GDF1: variants seen among roughly 807,000 people sequenced by gnomAD.
GDF1 encodes embryonic growth/differentiation factor 1.
In GDF1, 8 loss-of-function variants were observed where a neutral mutation model predicts 7.4. The observed-to-expected ratio is 1.09, with a 90% confidence interval of 0.64 to 1.96. The LOEUF is 1.96. Ranked by LOEUF, GDF1 falls within the 30% of genes most tolerant of loss-of-function variation. GDF1 has a pLI of 0.00. For synonymous variants in GDF1, 311 were observed against 276.7 expected, an observed-to-expected ratio of 1.12 and a Z score of -1.23; for missense variants, 574 against 551.5, an observed-to-expected ratio of 1.04 and a Z score of -0.41.
intron 2 of GDF1, among the ~76,000 whole-genome samples, chr19:18,886,120 C>T (rs1213901002): frequency 1.3e-5 from 2 of 150,510 alleles, no homozygotes; most frequent in East Asian, 3.9e-4. Flanking sequence ...AAGGGCTATG[C>T]TCTGGACGGG....
chr19:18,879,413 C>T (rs368841780), intron 4 of GDF1, 25 bp from the exon 5 acceptor site: 124 of 1,551,764 alleles, frequency 8.0e-5, no homozygotes, highest in African/African-American at 1.5e-4. Context: ...GTCAGGAGGC[C>T]GTGGGTGGAG....
chr19:18,874,502 G>A (rs2056027855), intron 6 of GDF1, among the ~76,000 whole-genome samples: 1 of 152,196 alleles, frequency 6.6e-6, no homozygotes, highest in Admixed American at 6.5e-5. Flanking sequence ...GGCAGTGGCA[G>A]GTGCAGCAGA....
Position 18,879,274 on chromosome 19 carries a change from C to G in GDF1, c.-456G>C, listed in dbSNP as rs1161578659. On this transcript the variant is annotated 5_prime_UTR_variant, in exon 5 of 8. Coordinates refer to ENST00000247005, the MANE Select transcript of GDF1 (RefSeq NM_001492.6). ...AGTAGAGGTTCATAAGGGTGAGCAG[C>G]AGCAGGAGCGCATTGAAGAAGAAGT... The G allele has an allele frequency of 6.2e-7, 1 of 1,613,440 alleles. No individual in the cohort carries two copies. The highest frequency in any genetic ancestry group is 1.3e-5 in the African/African-American group (1 of 74,890).
intron 2 of GDF1, among the ~76,000 whole-genome samples, chr19:18,885,804 C>A (rs1314673034): frequency 6.6e-6 from 1 of 152,074 alleles, no homozygotes; most frequent in East Asian, 1.9e-4. Flanking sequence ...CGGGCGTGAG[C>A]CGCTGCGCCC....
intron 2 of GDF1, among the ~76,000 whole-genome samples, chr19:18,885,217 T>A (rs1475260281): frequency 6.6e-6 from 1 of 152,120 alleles, no homozygotes; most frequent in Non-Finnish European, 1.5e-5. Context: ...TTATATATAG[T>A]TTTAGAGTTG....
intron 2 of GDF1, among the ~76,000 whole-genome samples, chr19:18,887,000 C>G (rs991341510): frequency 1.1e-4 from 16 of 152,222 alleles, no homozygotes; most frequent in Non-Finnish European, 2.2e-4. Context: ...CATGACCCAG[C>G]AAGTCCACTA....
chr19:18,868,798 C>A lies in GDF1; in HGVS notation c.918G>T (p.Leu306=), dbSNP rs1249368692. Residue 306 remains leucine, a synonymous_variant, in exon 8 of 8, where the codon CTG becomes CTT. Transcript: ENST00000247005. ...CQGQCALPVA[L]SGSGGPPALN... is the part of the protein sequence containing the mutation. ...GCGCCGGCGGCCCCCCGGACCCCGA[C>A]AGCGCGACGGGCAGCGCGCACTGAC... 6.9e-7 allele frequency: 1 copy of A among 1,457,362 alleles called. No individual in the cohort carries two copies. Among genetic ancestry groups the A allele is most frequent in the South Asian group, 1.2e-5 (1 of 80,368 alleles). The allele number at this position is 1,457,362 out of a possible 1,614,324, so 90.3% of individuals were successfully genotyped here.
chr19:18,872,354 T>A (rs911334977), intron 6 of GDF1, among the ~76,000 whole-genome samples: 6 of 152,176 alleles, frequency 3.9e-5, no homozygotes, highest in Non-Finnish European at 8.8e-5. Context: ...TTTTCTTGTT[T>A]TGTTTTTTTT....
At chr19:18,887,155 G>A (rs2056382289) in intron 2 of GDF1, among the ~76,000 whole-genome samples, 3 of 152,224 alleles carry the variant, frequency 2.0e-5, no homozygotes, top group South Asian at 4.1e-4. Flanking sequence ...TCCACACAGT[G>A]GAATACTATG....
chr19:18,874,341 T>C (rs1275881711), intron 6 of GDF1, among the ~76,000 whole-genome samples: 2 of 152,206 alleles, frequency 1.3e-5, no homozygotes, highest in African/African-American at 4.8e-5. Flanking sequence ...TCTTGCTCTG[T>C]TACCGCAGCT....
At position 18,895,223 on chromosome 19, in the gene GDF1, C is replaced by T. The variant is rs2056595832; in HGVS notation, c.-1074+601G>A. On this transcript the variant is annotated intron_variant, in intron 1 of 7. Transcript: ENST00000247005. This position sits in a 1 kb window ranked among gnomAD's most constrained non-coding sequence, Gnocchi z 6.4. ...CTGACCCCAGATAGGCACAAGGCAGCGACCGGGCAGCTCCTGCCTCTTCCC... is the reference window on the plus strand; with the variant it reads ...CTGACCCCAGATAGGCACAAGGCAGTGACCGGGCAGCTCCTGCCTCTTCCC... Among the ~76,000 whole-genome samples the T allele has an allele frequency of 6.6e-6, 1 of 152,244 alleles. No homozygotes were observed.
chr19:18,870,404 T>C lies in GDF1; in HGVS notation c.-97A>G, dbSNP rs1482088606. The C allele has an allele frequency of 7.6e-7, 1 of 1,314,302 alleles. No homozygotes were observed. 81.4% of individuals were successfully genotyped at this position (1,314,302 alleles called of 1,614,324 possible). ...GCCGGTGTCCCCGGAGGGGCAGGGG[T>C]CCTGGGGGGCGTGGCCGGGAACTGG... On this transcript the variant is annotated 5_prime_UTR_variant, in exon 7 of 8. Coordinates refer to ENST00000247005, the MANE Select transcript of GDF1 (RefSeq NM_001492.6). The surrounding 1 kb of genome is among the most constrained non-coding windows in gnomAD (Gnocchi z 5.1).
chr19:18,890,624 CAAAA>C (rs1157774081), intron 2 of GDF1, among the ~76,000 whole-genome samples: 1 of 147,416 alleles, frequency 6.8e-6, no homozygotes, highest in African/African-American at 2.5e-5. Flanking sequence ...CCAAAAAACA[CAAAA>C]AAATTCGCTG....
intron 6 of GDF1, among the ~76,000 whole-genome samples, chr19:18,871,465 G>A (rs1330132525): frequency 1.3e-5 from 2 of 151,834 alleles, no homozygotes; most frequent in South Asian, 2.1e-4. Context: ...CAGGTGATCC[G>A]CCCACCTTGG....
At position 18,878,501 on chromosome 19, in the gene GDF1, G is replaced by A. The variant is rs1384310946; in HGVS notation, c.-313+429C>T. The A allele has an allele frequency of 2.0e-6, 2 of 1,001,424 alleles. No homozygotes were observed. The highest frequency in any genetic ancestry group is 4.2e-5 in the South Asian group (1 of 23,606). 62.0% of individuals were successfully genotyped at this position (1,001,424 alleles called of 1,614,324 possible). ...ATGTCTCGGCCCAGATGGAGCCTGG[G>A]TTCTCTCTGTGGCCCTTGGCGTTCC... On this transcript the variant is annotated intron_variant, in intron 6 of 7. Coordinates refer to ENST00000247005, the MANE Select transcript of GDF1 (RefSeq NM_001492.6). The surrounding 1 kb of genome is among the most constrained non-coding windows in gnomAD (Gnocchi z 4.6).
Position 18,869,379 on chromosome 19 carries a change from G to C in GDF1, c.337C>G (p.Arg113Gly). 6.5e-7 allele frequency: 1 copy of C among 1,529,072 alleles called. No individual in the cohort carries two copies. Among genetic ancestry groups the C allele is most frequent in the African/African-American group, 1.4e-5 (1 of 72,386 alleles). 94.7% of individuals were successfully genotyped at this position (1,529,072 alleles called of 1,614,324 possible). The change falls in exon 8 of 8, where the codon CGG becomes GGG. Residue 113 changes from arginine to glycine, a missense_variant. Coordinates refer to ENST00000247005, the MANE Select transcript of GDF1 (RefSeq NM_001492.6). The part of the protein sequence containing the change: ...RHIPDRGAPT[R>G]ASEPASAAGH... ...GCGGCCGAGGCAGGCTCCGAGGCCC[G>C]GGTGGGCGCACCTGGGGAGGTAGGA...
intron 2 of GDF1, among the ~76,000 whole-genome samples, chr19:18,892,593 G>A (rs559352711): frequency 2.0e-5 from 3 of 152,044 alleles, no homozygotes; most frequent in South Asian, 4.2e-4. Flanking sequence ...TAGCCTGGGC[G>A]ACAGAGCGAG....
chr19:18,877,362 C>G (rs1248415079), intron 6 of GDF1, among the ~76,000 whole-genome samples: 1 of 152,304 alleles, frequency 6.6e-6, no homozygotes, highest in East Asian at 1.9e-4. Flanking sequence ...AGCAAGAGGA[C>G]CTTCCTGGTG....
chr19:18,892,619 A>C (rs2056519363), intron 2 of GDF1, among the ~76,000 whole-genome samples: 1 of 152,024 alleles, frequency 6.6e-6, no homozygotes, highest in Non-Finnish European at 1.5e-5. Flanking sequence ...ATCTCAAAAA[A>C]AGAAAAACAA....
Sources: gnomAD v4.1 joint callset for allele counts (sites outside exome capture counted in the v4.1 genomes callset) on GRCh38, gnomAD v4.1.1 for gene constraint, Gnocchi (gnomAD v3.1) non-coding constraint, MANE v1.5 for transcripts, NCBI Gene and HGNC (gene_info 2026-07-23, HGNC 2026-07-21) for gene names.